VIT: variants seen among roughly 807,000 people sequenced by gnomAD.
The protein encoded by VIT is vitrin.
In VIT, 99 loss-of-function variants were observed where a neutral mutation model predicts 78.0. That is an observed-to-expected ratio of 1.27 (90% CI 1.08 to 1.50). The LOEUF (loss-of-function observed/expected upper bound fraction) is 1.50. Ranked by LOEUF, VIT falls within the 40% of genes most tolerant of loss-of-function variation. The pLI is 0.00. For synonymous variants in VIT, 374 were observed against 334.3 expected (o/e 1.12, Z -1.29); for missense variants, 1,126 against 875.3 (o/e 1.29, Z -3.61).
intron 1 of VIT, among the ~76,000 whole-genome samples, chr2:36,701,793 G>T (rs1222250513): frequency 6.6e-6 from 1 of 152,158 alleles, no homozygotes; most frequent in Non-Finnish European, 1.5e-5. Context: ...GACTGGCCGT[G>T]TTTATACACC....
intron 6 of VIT, among the ~76,000 whole-genome samples, chr2:36,760,113 G>GCCT (rs1184255948): frequency 4.6e-5 from 7 of 151,816 alleles, no homozygotes; most frequent in African/African-American, 1.7e-4. Context: ...TCCTGCCTCA[G>GCCT]CCTCCCGAGT....
rs141314862 is a variant in VIT at position 36,787,788 on chromosome 2, G to A, written c.1058+512G>A. ...CTTCTCTTTTCTCCAAATAACCTTAGGCCCCTGCACTGGTACTGGAAAAAC... is the reference window on the plus strand; with the variant it reads ...CTTCTCTTTTCTCCAAATAACCTTAAGCCCCTGCACTGGTACTGGAAAAAC... On this transcript the variant is annotated intron_variant, in intron 12 of 15. Coordinates refer to ENST00000379242, the MANE Select transcript of VIT (RefSeq NM_053276.4). The A allele has an allele frequency of 1.6e-3, 743 of 454,138 alleles. 6 individuals are homozygous for A. Among genetic ancestry groups the A allele is most frequent in the African/African-American group, 0.014 (705 of 49,964 alleles). 28.1% of individuals were successfully genotyped at this position (454,138 alleles called of 1,614,324 possible).
At chr2:36,813,167 A>C (rs965857353) in intron 15 of VIT, among the ~76,000 whole-genome samples, 2 of 149,648 alleles carry the variant, frequency 1.3e-5, no homozygotes, top group Non-Finnish European at 3.0e-5. Flanking sequence ...AAATCCAATG[A>C]GGCCAGGCAC....
chr2:36,717,684 G>C (rs1223310366), intron 2 of VIT, among the ~76,000 whole-genome samples: 1 of 152,104 alleles, frequency 6.6e-6, no homozygotes, highest in African/African-American at 2.4e-5. Context: ...CATTAAGCTT[G>C]GCCCCACTGT....
chr2:36,773,701 G>A (rs1669890071), intron 7 of VIT, 90 bp from the exon 8 acceptor site: 3 of 1,190,886 alleles, frequency 2.5e-6, no homozygotes, highest in Non-Finnish European at 1.1e-6. Context: ...TCCAGCTCTG[G>A]GCATACAGTG....
intron 3 of VIT, 112 bp from the exon 4 acceptor site, chr2:36,742,988 G>T (rs753119533): frequency 1.5e-6 from 2 of 1,373,906 alleles, no homozygotes; most frequent in Admixed American, 4.2e-5. Flanking sequence ...ATGTAGAGTC[G>T]GCCCAGGCTC....
chr2:36,726,915 C>G (rs949261196), intron 2 of VIT, among the ~76,000 whole-genome samples: 3 of 150,610 alleles, frequency 2.0e-5, no homozygotes, highest in African/African-American at 7.3e-5. Context: ...GAAGGAGACT[C>G]ATCACGAGGT....
intron 12 of VIT, among the ~76,000 whole-genome samples, chr2:36,793,504 G>A (rs1409660129): frequency 6.6e-6 from 1 of 152,176 alleles, no homozygotes; most frequent in Non-Finnish European, 1.5e-5. Flanking sequence ...TGAAGGGATG[G>A]GAGCAGAATG....
Position 36,743,042 on chromosome 2 carries a change from AC to A in VIT, c.119-54del, listed in dbSNP as rs1667926576. ...TCAATAGTTGAGACCTAACAGTGTCACCCCACAGATAAACTAATAGCACAAG... is the reference window on the plus strand; with the variant it reads ...TCAATAGTTGAGACCTAACAGTGTCACCCACAGATAAACTAATAGCACAAG... On this transcript the variant is annotated intron_variant, in intron 3 of 15. Coordinates refer to ENST00000379242, the MANE Select transcript of VIT (RefSeq NM_053276.4). The A allele has an allele frequency of 4.2e-5, 68 of 1,600,470 alleles. 1 individual carries two copies. The South Asian group carries it at 7.6e-4, about 18-fold the overall frequency.
chr2:36,739,529 G>A (rs1667704856), intron 3 of VIT, among the ~76,000 whole-genome samples: 1 of 152,210 alleles, frequency 6.6e-6, no homozygotes, highest in Non-Finnish European at 1.5e-5. Flanking sequence ...ACCCTTGTGA[G>A]ATCACTACAG....
chr2:36,713,600 G>A (rs2148441773), intron 1 of VIT, among the ~76,000 whole-genome samples: 1 of 152,276 alleles, frequency 6.6e-6, no homozygotes, highest in East Asian at 1.9e-4. Context: ...TAGTTATGAG[G>A]CTAATTGCAA....
At chr2:36,730,393 A>G (rs904261484) in intron 3 of VIT, among the ~76,000 whole-genome samples, 1 of 152,206 alleles carries the variant, frequency 6.6e-6, no homozygotes, top group South Asian at 2.1e-4. Flanking sequence ...TGGAAGTTCC[A>G]CAATCTCCAG....
intron 6 of VIT, 77 bp from the exon 7 acceptor site, chr2:36,767,017 A>G (rs1669471302): frequency 7.1e-7 from 1 of 1,408,754 alleles, no homozygotes; most frequent in Admixed American, 3.0e-5. Context: ...TGTTCAATCA[A>G]CATTTATTTT....
Position 36,767,200 on chromosome 2 carries a change from C to T in VIT, c.594C>T (p.Thr198=). Residue 198 remains threonine (T), a synonymous_variant, in exon 7 of 16, where the codon ACC becomes ACT. Transcript: ENST00000379242. The part of the protein sequence containing the change: ...LAVTVAVATP[T]TLPRPSPSAA... ...TCACTGTAGCTGTGGCCACCCCCAC[C>T]ACCTTGCCAAGGCCATCCCCTTCTG... 3 of 1,609,824 alleles carry T rather than the reference C, an allele frequency of 1.9e-6. No homozygotes were observed. Among genetic ancestry groups the T allele is most frequent in the Non-Finnish European group, 2.5e-6 (3 of 1,178,358 alleles).
intron 1 of VIT, among the ~76,000 whole-genome samples, chr2:36,706,776 C>T (rs1447979739): frequency 2.0e-5 from 3 of 152,290 alleles, no homozygotes; most frequent in Non-Finnish European, 1.5e-5. Context: ...GTAGATGTAA[C>T]CAGGCTTTGA....
intron 12 of VIT, 70 bp from the exon 13 acceptor site, chr2:36,801,231 C>A (rs1666299408): frequency 7.3e-7 from 1 of 1,367,300 alleles, no homozygotes; most frequent in Non-Finnish European, 1.0e-6. Flanking sequence ...AAGAATCAAC[C>A]ATGATCTCTG....
chr2:36,765,996 C>T (rs1669405990), intron 6 of VIT, among the ~76,000 whole-genome samples: 1 of 152,242 alleles, frequency 6.6e-6, no homozygotes, highest in Non-Finnish European at 1.5e-5. Flanking sequence ...GTTGTTCCTT[C>T]CCAGGACCGA....
At chr2:36,779,228 G>C (rs1189796110) in intron 9 of VIT, among the ~76,000 whole-genome samples, 3 of 152,196 alleles carry the variant, frequency 2.0e-5, no homozygotes, top group Non-Finnish European at 2.9e-5. Context: ...TTAGGGGTAG[G>C]CTTTGGAGCC....
chr2:36,807,942 A>T (rs1418380783), intron 14 of VIT, among the ~76,000 whole-genome samples: 1 of 152,218 alleles, frequency 6.6e-6, no homozygotes, highest in Non-Finnish European at 1.5e-5. Context: ...TGAGAGAATC[A>T]TTCCAAGAGC....
Sources: allele counts gnomAD v4.1 joint callset (sites outside exome capture counted in the v4.1 genomes callset), GRCh38; gene constraint gnomAD v4.1.1; transcripts MANE v1.5; gene names NCBI Gene and HGNC (gene_info 2026-07-23, HGNC 2026-07-21).